Variants in HERC1 observed in about 807,000 individuals in gnomAD.
HERC1 encodes the protein HECT and RLD domain containing E3 ubiquitin protein ligase family member 1.
A neutral mutation model predicts 554.3 loss-of-function variants in HERC1; 160 were observed. That is an observed-to-expected ratio of 0.29 (90% CI 0.25 to 0.33). The LOEUF (loss-of-function observed/expected upper bound fraction) is 0.33. HERC1 is among the 10% of genes least tolerant of loss of function. HERC1 has a pLI of 1.00. For missense variants in HERC1, 4,919 were observed against 5,918.5 expected (o/e 0.83, Z 5.54); for synonymous variants, 2,175 against 2,131.7 (o/e 1.02, Z -0.56).
intron 24 of HERC1, among the ~76,000 whole-genome samples, chr15:63,709,167 T>C (rs111873527): frequency 6.6e-6 from 1 of 150,926 alleles, no homozygotes; most frequent in African/African-American, 2.5e-5. Context: ...ATATATATAT[T>C]TTTTATTTTT....
rs62012365 is a variant in HERC1 at position 63,723,131 on chromosome 15, G to A, written c.3742+51C>T. 0.18 allele frequency: 206,917 copies of A among 1,170,922 alleles called. 20,211 individuals are homozygous for A. The highest frequency in any genetic ancestry group is 0.19 in the Non-Finnish European group (170,376 of 896,008). The allele number at this position is 1,170,922 out of a possible 1,614,324, so 72.5% of individuals were successfully genotyped here. A position where few individuals can be genotyped will look rare whatever the true frequency, so the allele number is the denominator to read the frequency against. On this transcript the variant is annotated intron_variant, in intron 19 of 77. Transcript: ENST00000443617. ...TTACATATATTGCATATATATTTGC[G>A]AGCATTATGAGCTAACTACAAATTT...
rs765496153 is a variant in HERC1 at position 63,696,354 on chromosome 15, C to T, written c.4906-15G>A. 3 of 1,578,316 alleles carry T rather than the reference C, an allele frequency of 1.9e-6. No individual in the cohort carries two copies. The highest frequency in any genetic ancestry group is 2.6e-6 in the Non-Finnish European group (3 of 1,156,040). ...TCTAAACGAAGCTTGAGGAAAAAAA[C>T]ATATTTTAGAGTTCTTCACTTAACT... On this transcript the variant is annotated splice_polypyrimidine_tract_variant and intron_variant, in intron 26 of 77. Coordinates refer to ENST00000443617, the MANE Select transcript of HERC1 (RefSeq NM_003922.4).
At chr15:63,781,244 A>G (rs1270154640) in intron 1 of HERC1, among the ~76,000 whole-genome samples, 4 of 152,190 alleles carry the variant, frequency 2.6e-5, no homozygotes, top group African/African-American at 9.7e-5. Context: ...AAATACAGCC[A>G]TACCTCATTT....
In HERC1 at chr15:63,696,566, A is replaced by T. The variant is rs17186681; in HGVS notation, c.4906-227T>A. Among the ~76,000 whole-genome samples, 24,491 of 152,106 alleles carry T rather than the reference A, an allele frequency of 0.16. 2,282 individuals carry two copies. The highest frequency in any genetic ancestry group is 0.21 in the Middle Eastern group (63 of 294). On this transcript the variant is annotated intron_variant, in intron 26 of 77. Transcript: ENST00000443617. ...GTTAGAGTACAATAGGAAAAGTAGT[A>T]GCTTTGGATGTAGGAGACATGGTTT...
chr15:63,773,968 C>T (rs2076035546), intron 2 of HERC1, among the ~76,000 whole-genome samples: 1 of 151,966 alleles, frequency 6.6e-6, no homozygotes, highest in African/African-American at 2.4e-5. Flanking sequence ...ATGTTGTATC[C>T]AAGGTTATGA....
chr15:63,625,875 A>G (rs887003980), intron 71 of HERC1, 110 bp downstream of exon 71: 13 of 1,114,566 alleles, frequency 1.2e-5, no homozygotes, highest in South Asian at 1.1e-4. Context: ...ATTAGCCATG[A>G]AAGAATTTTC....
chr15:63,686,451 C>T lies in HERC1; in HGVS notation c.6133G>A (p.Val2045Met), dbSNP rs746571019. 3.6e-5 allele frequency: 58 copies of T among 1,613,748 alleles called. No individual in the cohort carries two copies. Among genetic ancestry groups the T allele is most frequent in the Non-Finnish European group, 4.7e-5 (55 of 1,179,772 alleles). ...TGAGTTAAAATCTGTCCATTCTCCA[C>T]TAGGCAACACTGAGCTTTCTCCGGG... is the stretch of plus-strand genomic sequence containing the variant. ...FDPEKAQCCL[V>M]ENGQILTHGS... Residue 2045 changes from valine to methionine, a missense_variant, in exon 34 of 78, where the codon GTG becomes ATG. This residue lies in a region of HERC1 where 1,121 missense variants were observed against 1,244.0 expected (regional missense o/e 0.90). Coordinates refer to ENST00000443617, the MANE Select transcript of HERC1 (RefSeq NM_003922.4).
At chr15:63,738,916 C>T (rs2074664899) in intron 12 of HERC1, among the ~76,000 whole-genome samples, 1 of 152,124 alleles carries the variant, frequency 6.6e-6, no homozygotes, top group African/African-American at 2.4e-5. Flanking sequence ...AGTTCCTACT[C>T]ACCACCAGGA....
In HERC1 at chr15:63,666,059, C is replaced by A; in HGVS notation, c.8415G>T (p.Gln2805His). The A allele has an allele frequency of 6.2e-7, 1 of 1,614,034 alleles. No individual in the cohort carries two copies. Among genetic ancestry groups the A allele is most frequent in the Non-Finnish European group, 8.5e-7 (1 of 1,179,886 alleles). Residue 2805 changes from glutamine to histidine, a missense_variant, in exon 42 of 78, where the codon CAG becomes CAT. By Grantham distance (24) the Gln-to-His change is conservative. This residue lies in a region of HERC1 where 1,963 missense variants were observed against 2,228.6 expected (regional missense o/e 0.88). Coordinates refer to ENST00000443617, the MANE Select transcript of HERC1 (RefSeq NM_003922.4). ...HPGHEDEEEPQSGSTADSRPG... is the reference protein window; with the variant it reads ...HPGHEDEEEPHSGSTADSRPG... ...GCCTAGAGTCTGCTGTGCTGCCCGA[C>A]TGGGGCTCCTCTTCATCCTCATGCC... is the stretch of plus-strand genomic sequence containing the variant.
rs542322704 is a variant in HERC1 at position 63,641,779 on chromosome 15, T to C, written c.11434-136A>G. The stretch of plus-strand genomic sequence containing the variant: ...GGATATTTTATATCCAAAAAGGCTA[T>C]GCTTTTAATGCCTATGGAACTTCAA... On this transcript the variant is annotated intron_variant, in intron 59 of 77. Transcript: ENST00000443617. 155 of 628,124 alleles carry C rather than the reference T, an allele frequency of 2.5e-4. 1 individual carries two copies. The highest frequency in any genetic ancestry group is 1.1e-3 in the Middle Eastern group (3 of 2,616). The allele number at this position is 628,124 out of a possible 1,614,324, so 38.9% of individuals were successfully genotyped here.
intron 22 of HERC1, among the ~76,000 whole-genome samples, chr15:63,714,062 C>A (rs1443264877): frequency 1.3e-5 from 2 of 152,164 alleles, no homozygotes; most frequent in East Asian, 3.9e-4. Context: ...GGTGGGGGAC[C>A]CAGCAATCTG....
At chr15:63,697,048 T>C (rs1055014639) in intron 26 of HERC1, among the ~76,000 whole-genome samples, 4 of 152,166 alleles carry the variant, frequency 2.6e-5, no homozygotes, top group African/African-American at 9.7e-5. Context: ...TCTTAACATC[T>C]TACATAACCA....
intron 1 of HERC1, among the ~76,000 whole-genome samples, chr15:63,796,860 C>T (rs941021829): frequency 6.6e-6 from 1 of 152,116 alleles, no homozygotes; most frequent in African/African-American, 2.4e-5. Context: ...CAGATGAGGC[C>T]TCCAGGTAAC....
At chr15:63,829,579 A>C (rs1158751039) in intron 1 of HERC1, among the ~76,000 whole-genome samples, 1 of 140,646 alleles carries the variant, frequency 7.1e-6, no homozygotes, top group Non-Finnish European at 1.5e-5. Flanking sequence ...ATATATATAT[A>C]TATATATATA....
rs767843368 is a variant in HERC1, at chr15:63,609,153, G to A, written c.14514C>T (p.Arg4838=). The change falls in exon 78 of 78, where the codon CGC becomes CGT. Residue 4838 remains arginine, a synonymous_variant. Transcript: ENST00000443617. The part of the protein sequence containing the change: ...ERLRYAINNC[R]SIDMDNYMLS... ...GCATGTAGTTGTCCATGTCGATTGA[G>A]CGGCAGTTGTTGATGGCATAGCGCA... 1.2e-6 allele frequency: 2 copies of A among 1,613,990 alleles called. No homozygotes were observed. Among genetic ancestry groups the A allele is most frequent in the Non-Finnish European group, 1.7e-6 (2 of 1,179,882 alleles).
At chr15:63,682,014 G>T (rs1044424993) in intron 34 of HERC1, among the ~76,000 whole-genome samples, 2 of 152,170 alleles carry the variant, frequency 1.3e-5, no homozygotes, top group Non-Finnish European at 2.9e-5. Context: ...GAATGTGAGG[G>T]TGGTCTTGGG....
chr15:63,671,723 A>G (rs1441972770), intron 39 of HERC1, among the ~76,000 whole-genome samples: 3 of 152,164 alleles, frequency 2.0e-5, no homozygotes, highest in Non-Finnish European at 4.4e-5. Flanking sequence ...ATTGAGAATC[A>G]CTACAATAGA....
intron 1 of HERC1, among the ~76,000 whole-genome samples, chr15:63,817,985 G>GT (rs966161234): frequency 1.3e-5 from 2 of 152,022 alleles, no homozygotes; most frequent in African/African-American, 4.8e-5. Context: ...GCACAAGTGA[G>GT]TATTAATTTA....
intron 1 of HERC1, among the ~76,000 whole-genome samples, chr15:63,815,535 C>T (rs2145497231): frequency 6.6e-6 from 1 of 152,302 alleles, no homozygotes; most frequent in South Asian, 2.1e-4. Flanking sequence ...CCTTTTCTAA[C>T]CTTGCCTCTC....
Sources: gnomAD v4.1 joint callset for allele counts (sites outside exome capture counted in the v4.1 genomes callset) on GRCh38, gnomAD v4.1.1 for gene constraint, gnomAD v4.1.1 regional missense constraint, MANE v1.5 for transcripts, NCBI Gene and HGNC (gene_info 2026-07-23, HGNC 2026-07-21) for gene names.